TLN2: variants seen among roughly 807,000 people sequenced by gnomAD.
TLN2 encodes talin 2.
Under a neutral mutation model 294.7 loss-of-function variants are expected in TLN2, and 118 were observed. That is an observed-to-expected ratio of 0.40 (90% CI 0.34 to 0.47). The LOEUF is 0.47. Among genes scored for constraint, TLN2 ranks in the 20% least tolerant of loss-of-function variants. The pLI, the probability that TLN2 is intolerant of heterozygous loss-of-function variation, is 0.84. For missense variants in TLN2, 3,083 were observed against 3,282.2 expected, an observed-to-expected ratio of 0.94 and a Z score of 1.48; for synonymous variants, 1,431 against 1,304.5, an observed-to-expected ratio of 1.10 and a Z score of -2.09.
chr15:62,508,522 T>C (rs1434203145), intron 1 of TLN2, among the ~76,000 whole-genome samples: 1 of 152,188 alleles, frequency 6.6e-6, no homozygotes, highest in Non-Finnish European at 1.5e-5. Context: ...GCCAAAGCCC[T>C]ATAGATGATT....
At chr15:62,803,041 G>A (rs1047468366) in intron 50 of TLN2, among the ~76,000 whole-genome samples, 13 of 152,052 alleles carry the variant, frequency 8.5e-5, no homozygotes, top group Non-Finnish European at 1.6e-4. Context: ...CCTTTGCTGT[G>A]CAAAAGCTTT....
intron 21 of TLN2, 151 bp from the exon 22 acceptor site, chr15:62,711,760 T>G: frequency 1.3e-6 from 1 of 777,254 alleles, no homozygotes; most frequent in Non-Finnish European, 1.9e-6. Flanking sequence ...GGGCTCTAAT[T>G]TGGATGCATG....
chr15:62,481,794 C>CTTTTTTT (rs774806914), intron 1 of TLN2, among the ~76,000 whole-genome samples: 2 of 117,992 alleles, frequency 1.7e-5, no homozygotes, highest in African/African-American at 3.0e-5. Context: ...CTTTTTCTTT[C>CTTTTTTT]TTTCTTTTTT....
chr15:62,559,282 CCT>C (rs973588511), intron 1 of TLN2, among the ~76,000 whole-genome samples: 34 of 152,218 alleles, frequency 2.2e-4, no homozygotes, highest in Non-Finnish European at 4.6e-4. Context: ...GCCAAGAAAA[CCT>C]CTCCCAGTTC....
At chr15:62,509,302 C>A (rs2039804962) in intron 1 of TLN2, among the ~76,000 whole-genome samples, 1 of 152,064 alleles carries the variant, frequency 6.6e-6, no homozygotes, top group South Asian at 2.1e-4. Flanking sequence ...TGAGAAATGA[C>A]CTTTGTATGT....
intron 1 of TLN2, among the ~76,000 whole-genome samples, chr15:62,470,635 T>C (rs1435723026): frequency 1.6e-4 from 24 of 152,186 alleles, no homozygotes; most frequent in Admixed American, 1.5e-3. Context: ...GTGAGAATGG[T>C]ATGCAGTTCT....
intron 37 of TLN2, among the ~76,000 whole-genome samples, chr15:62,756,279 A>G (rs758238699): frequency 3.3e-5 from 5 of 152,202 alleles, no homozygotes; most frequent in Non-Finnish European, 5.9e-5. Flanking sequence ...TCACCTTTGC[A>G]TTAAGGTATA....
In TLN2 at chr15:62,755,651, G is replaced by A; in HGVS notation, c.4596G>A (p.Lys1532=). The stretch of plus-strand genomic sequence containing the variant: ...AGAGGCACTTCGTCCAGTCAGCCAA[G>A]GAAGTCGCCAACAGCACTGCCAACC... ...VAKRHFVQSA[K]EVANSTANLV... The change falls in exon 37 of 59, where the codon AAG becomes AAA. Residue 1532 remains lysine (K), a synonymous_variant. Coordinates refer to ENST00000636159, the MANE Select transcript of TLN2 (RefSeq NM_015059.3). 1 of 1,614,256 alleles carries A rather than the reference G, an allele frequency of 6.2e-7. No individual in the cohort carries two copies. Among genetic ancestry groups the A allele is most frequent in the Non-Finnish European group, 8.5e-7 (1 of 1,180,050 alleles).
At chr15:62,705,263 G>T (rs2058986475) in intron 19 of TLN2, among the ~76,000 whole-genome samples, 1 of 152,202 alleles carries the variant, frequency 6.6e-6, no homozygotes, top group Admixed American at 6.5e-5. Context: ...GGGCAGTAAG[G>T]TGATCCTGCA....
At chr15:62,447,814 G>T (rs996499075) in intron 1 of TLN2, among the ~76,000 whole-genome samples, 7 of 152,262 alleles carry the variant, frequency 4.6e-5, no homozygotes, top group Admixed American at 4.6e-4. Context: ...ATCCCCAGAG[G>T]CTATGAAGGG....
intron 1 of TLN2, among the ~76,000 whole-genome samples, chr15:62,563,538 C>T (rs772198257): frequency 2.0e-5 from 3 of 152,114 alleles, no homozygotes; most frequent in Non-Finnish European, 2.9e-5. Context: ...CCACTTGGTG[C>T]GTTGTCTGTT....
intron 19 of TLN2, among the ~76,000 whole-genome samples, chr15:62,704,817 C>T (rs1174028474): frequency 2.0e-5 from 3 of 152,214 alleles, no homozygotes; most frequent in Non-Finnish European, 2.9e-5. Flanking sequence ...ACTGCCCTTG[C>T]ATTGGCCTTT....
intron 21 of TLN2, among the ~76,000 whole-genome samples, chr15:62,709,327 A>G (rs1446599938): frequency 6.6e-6 from 1 of 152,168 alleles, no homozygotes; most frequent in East Asian, 1.9e-4. Flanking sequence ...TAGTTTAAAT[A>G]ATTTTGGCAG....
At chr15:62,395,720 T>C (rs1367621015) in intron 1 of TLN2, among the ~76,000 whole-genome samples, 1 of 152,222 alleles carries the variant, frequency 6.6e-6, no homozygotes, top group Admixed American at 6.5e-5. Context: ...ATAAGGTACA[T>C]CCATAGTATG....
At chr15:62,778,427 T>C (rs977031304) in intron 43 of TLN2, among the ~76,000 whole-genome samples, 7 of 152,232 alleles carry the variant, frequency 4.6e-5, no homozygotes, top group Non-Finnish European at 1.0e-4. Flanking sequence ...TGTTAAATAA[T>C]GGAGCCCAAG....
At chr15:62,562,635 C>T (rs2043055787) in intron 1 of TLN2, among the ~76,000 whole-genome samples, 8 of 151,830 alleles carry the variant, frequency 5.3e-5, no homozygotes, top group Admixed American at 5.3e-4. Context: ...GATTTTGGTG[C>T]ACCCATCACC....
intron 1 of TLN2, among the ~76,000 whole-genome samples, chr15:62,517,108 T>C (rs2040227209): frequency 6.6e-6 from 1 of 152,238 alleles, no homozygotes. Flanking sequence ...GTGGATGTTC[T>C]GAAGCCAAGG....
At chr15:62,826,073 G>T (rs1435877730) in intron 54 of TLN2, among the ~76,000 whole-genome samples, 1 of 150,642 alleles carries the variant, frequency 6.6e-6, no homozygotes, top group Non-Finnish European at 1.5e-5. Context: ...CTCCCCTCCA[G>T]GGTAGACCAG....
chr15:62,692,409 CA>C (rs1277652161), intron 12 of TLN2, among the ~76,000 whole-genome samples: 1 of 152,216 alleles, frequency 6.6e-6, no homozygotes, highest in Non-Finnish European at 1.5e-5. Context: ...CTGTGAATAT[CA>C]GCCCAGGTTG....
Sources: allele counts gnomAD v4.1 joint callset (sites outside exome capture counted in the v4.1 genomes callset), GRCh38; gene constraint gnomAD v4.1.1; transcripts MANE v1.5; gene names NCBI Gene and HGNC (gene_info 2026-07-23, HGNC 2026-07-21).